Variants in PLCB1 observed in about 807,000 individuals in gnomAD.
The protein encoded by PLCB1 is phospholipase C beta 1.
PLCB1 carries 46 observed loss-of-function variants against 161.8 expected under a neutral mutation model. That is an observed-to-expected ratio of 0.28 (90% CI 0.22 to 0.36). PLCB1 has a LOEUF of 0.36. PLCB1 is among the 10% of genes least tolerant of loss of function. PLCB1 has a pLI of 1.00. For missense variants in PLCB1, 1,016 were observed against 1,472.5 expected (o/e 0.69, Z 5.07); for synonymous variants, 517 against 503.7 (o/e 1.03, Z -0.35).
chr20:8,510,642 C>T (rs566237834), intron 3 of PLCB1, among the ~76,000 whole-genome samples: 93 of 152,210 alleles, frequency 6.1e-4, no homozygotes, highest in African/African-American at 2.0e-3. Flanking sequence ...CCGCCCGCCT[C>T]GGCCTCCCAA....
chr20:8,430,091 G>C (rs954325157), intron 3 of PLCB1, among the ~76,000 whole-genome samples: 4 of 152,000 alleles, frequency 2.6e-5, no homozygotes, highest in African/African-American at 4.8e-5. Flanking sequence ...CTGAATGCTG[G>C]AGTAAAGCCA....
intron 1 of PLCB1, among the ~76,000 whole-genome samples, chr20:8,147,949 T>G (rs1600198297): frequency 1.3e-5 from 2 of 148,626 alleles, no homozygotes; most frequent in East Asian, 4.0e-4. Context: ...CTCAGCTCAC[T>G]GCAAGCTCTG....
chr20:8,843,864 GA>G (rs541183411), intron 31 of PLCB1, among the ~76,000 whole-genome samples: 25 of 151,892 alleles, frequency 1.6e-4, no homozygotes, highest in Admixed American at 1.4e-3. Flanking sequence ...CACTGCTGGG[GA>G]AAAAAAAGAT....
chr20:8,239,325 C>T (rs1032049560), intron 2 of PLCB1, among the ~76,000 whole-genome samples: 3 of 151,968 alleles, frequency 2.0e-5, no homozygotes, highest in African/African-American at 7.2e-5. Context: ...CAGTCATTAA[C>T]CTTCCTATAT....
intron 3 of PLCB1, among the ~76,000 whole-genome samples, chr20:8,376,024 A>G (rs939210754): frequency 4.8e-4 from 73 of 151,754 alleles, no homozygotes; most frequent in African/African-American, 1.7e-3. Flanking sequence ...GACTTGTGTC[A>G]AGCTTCTTTA....
chr20:8,698,737 G>A (rs73080035), intron 11 of PLCB1, among the ~76,000 whole-genome samples: 11,514 of 152,234 alleles, frequency 0.076, 529 homozygotes, highest in African/African-American at 0.12. Context: ...GGGTTTTGCA[G>A]TGGATTGGGT....
At chr20:8,578,658 A>G (rs1394305560) in intron 3 of PLCB1, among the ~76,000 whole-genome samples, 2 of 152,234 alleles carry the variant, frequency 1.3e-5, no homozygotes, top group African/African-American at 2.4e-5. Context: ...TGTTCCCCCA[A>G]TTATTTCTCT....
chr20:8,368,155 A>G (rs1406575175), intron 2 of PLCB1, among the ~76,000 whole-genome samples: 2 of 152,150 alleles, frequency 1.3e-5, no homozygotes, highest in African/African-American at 4.8e-5. Flanking sequence ...TGTTAATTCA[A>G]TTTGGGCTTT....
chr20:8,179,814 A>T (rs978526797), intron 2 of PLCB1, among the ~76,000 whole-genome samples: 2 of 129,498 alleles, frequency 1.5e-5, no homozygotes, highest in East Asian at 5.3e-4. Flanking sequence ...TTATTTTGAG[A>T]TATGTGCCTT....
chr20:8,484,133 C>T (rs1418642866), intron 3 of PLCB1, among the ~76,000 whole-genome samples: 1 of 152,192 alleles, frequency 6.6e-6, no homozygotes, highest in Non-Finnish European at 1.5e-5. Flanking sequence ...TCAAACAATT[C>T]TTCTGCCTCA....
chr20:8,838,217 T>C (rs6140741), intron 31 of PLCB1, among the ~76,000 whole-genome samples: 48,741 of 152,090 alleles, frequency 0.32, 8,808 homozygotes, highest in East Asian at 0.63. Context: ...GACTCCTGTA[T>C]ATTACTGAAA....
intron 23 of PLCB1, among the ~76,000 whole-genome samples, chr20:8,746,858 G>C (rs965410976): frequency 6.6e-6 from 1 of 152,182 alleles, no homozygotes; most frequent in Admixed American, 6.5e-5. Context: ...TGCATGTTAA[G>C]TGTGAAGACC....
chr20:8,755,188 C>T (rs1302946156), intron 23 of PLCB1, among the ~76,000 whole-genome samples: 1 of 152,126 alleles, frequency 6.6e-6, no homozygotes, highest in East Asian at 1.9e-4. Flanking sequence ...TCTGCCATCA[C>T]TTAATGCAGT....
At chr20:8,582,678 ATAT>A (rs1447175909) in intron 3 of PLCB1, among the ~76,000 whole-genome samples, 6 of 152,156 alleles carry the variant, frequency 3.9e-5, no homozygotes, top group African/African-American at 1.2e-4. Context: ...ATACAATGTA[ATAT>A]TATTTGGCCT....
intron 2 of PLCB1, among the ~76,000 whole-genome samples, chr20:8,263,509 A>G (rs1981811352): frequency 6.6e-6 from 1 of 152,152 alleles, no homozygotes; most frequent in Non-Finnish European, 1.5e-5. Flanking sequence ...TTTCCTTATT[A>G]TATATTATAA....
At chr20:8,388,742 T>C (rs984082449) in intron 3 of PLCB1, among the ~76,000 whole-genome samples, 44 of 152,320 alleles carry the variant, frequency 2.9e-4, no homozygotes, top group African/African-American at 1.0e-3. Flanking sequence ...TAACAACTTA[T>C]TGAATGATCT....
chr20:8,146,105 G>GT lies in PLCB1; in HGVS notation c.100-4175dup, dbSNP rs58227641. ...TCTTCTTACTGTTTTTGTTTTTTTT[G>GT]TTTTTTTTTTTTTTGGTATAAGGCA... is the stretch of plus-strand genomic sequence containing the variant. On this transcript the variant is annotated intron_variant, in intron 1 of 31. Transcript: ENST00000338037. Among the ~76,000 whole-genome samples the GT allele has an allele frequency of 4.0e-3, 560 of 141,766 alleles. 5 individuals carry two copies. The highest frequency in any genetic ancestry group is 0.018 in the Middle Eastern group (5 of 278). The allele number at this position is 141,766 out of a possible 152,430, so 93.0% of individuals were successfully genotyped here.
intron 3 of PLCB1, among the ~76,000 whole-genome samples, chr20:8,533,933 C>T (rs1193607692): frequency 6.6e-6 from 1 of 152,102 alleles, no homozygotes; most frequent in Non-Finnish European, 1.5e-5. Flanking sequence ...ACATGAAGTC[C>T]TTGCCCATGC....
rs141558586 is a variant in PLCB1, at chr20:8,190,779, G to A, written c.177+40408G>A. Among the ~76,000 whole-genome samples, 2 of 152,080 alleles carry A rather than the reference G, an allele frequency of 1.3e-5. 1 individual carries two copies. The highest frequency in any genetic ancestry group is 3.9e-4 in the East Asian group (2 of 5,188). ...TAACTAGAGGCCTGGAGATGTTCAC[G>A]TATTCCTCTAAATGCCCTGGTTTTG... On this transcript the variant is annotated intron_variant, in intron 2 of 31. Coordinates refer to ENST00000338037, the MANE Select transcript of PLCB1 (RefSeq NM_015192.4).
Sources: allele counts gnomAD v4.1 joint callset (sites outside exome capture counted in the v4.1 genomes callset), GRCh38; gene constraint gnomAD v4.1.1; transcripts MANE v1.5; gene names NCBI Gene and HGNC (gene_info 2026-07-23, HGNC 2026-07-21).